The following SH3GL3 variants were observed in gnomAD, a reference collection of about 807,000 sequenced individuals.
SH3GL3 encodes SH3 domain containing GRB2 like 3, endophilin A3, also known as endophilin-A3.
A neutral mutation model predicts 47.7 loss-of-function variants in SH3GL3; 33 were observed. The observed-to-expected ratio is 0.69, with a 90% confidence interval of 0.52 to 0.92. The LOEUF is 0.92. Among genes scored for constraint, SH3GL3 ranks in the 40% least tolerant of loss-of-function variants. The pLI is 0.00. For synonymous variants in SH3GL3, 155 were observed against 148.8 expected (o/e 1.04, Z -0.30); for missense variants, 363 against 417.8 (o/e 0.87, Z 1.14).
intron 8 of SH3GL3, among the ~76,000 whole-genome samples, chr15:83,608,315 G>A (rs2060581298): frequency 6.6e-6 from 1 of 152,134 alleles, no homozygotes; most frequent in Non-Finnish European, 1.5e-5. Context: ...CAAATTTCCA[G>A]ATAAGGAAAT....
intron 1 of SH3GL3, among the ~76,000 whole-genome samples, chr15:83,519,112 A>T (rs1487312550): frequency 6.6e-6 from 1 of 152,176 alleles, no homozygotes; most frequent in Non-Finnish European, 1.5e-5. Flanking sequence ...TGATGCCTCC[A>T]GCTTTGTTCT....
chr15:83,503,472 TAATAAC>T (rs2042371432), intron 1 of SH3GL3, among the ~76,000 whole-genome samples: 1 of 152,214 alleles, frequency 6.6e-6, no homozygotes, highest in Admixed American at 6.5e-5. Flanking sequence ...CAGTTTTCAC[TAATAAC>T]AATAAGTGAA....
At chr15:83,536,409 T>C (rs1200524615) in intron 1 of SH3GL3, among the ~76,000 whole-genome samples, 7 of 141,774 alleles carry the variant, frequency 4.9e-5, no homozygotes, top group Non-Finnish European at 9.2e-5. Context: ...TCTTTTCTTT[T>C]TTTTTTTTTT....
At chr15:83,562,931 A>G (rs1158996776) in intron 2 of SH3GL3, among the ~76,000 whole-genome samples, 4 of 152,174 alleles carry the variant, frequency 2.6e-5, no homozygotes, top group Admixed American at 1.3e-4. Context: ...GCACACTCAC[A>G]TGCCCACTTG....
intron 8 of SH3GL3, among the ~76,000 whole-genome samples, chr15:83,597,468 A>G (rs1053310935): frequency 6.6e-6 from 1 of 152,156 alleles, no homozygotes; most frequent in Non-Finnish European, 1.5e-5. Context: ...CTTTGAGGCT[A>G]TTGCTCTGCC....
chr15:83,550,754 C>T (rs888374058), intron 1 of SH3GL3, among the ~76,000 whole-genome samples: 1 of 152,068 alleles, frequency 6.6e-6, no homozygotes, highest in Non-Finnish European at 1.5e-5. Context: ...TTTTGTTTTC[C>T]CTGTGTTTCC....
At chr15:83,490,975 G>T (rs2041849778) in intron 1 of SH3GL3, 2 of 1,602,244 alleles carry the variant, frequency 1.2e-6, no homozygotes, top group Non-Finnish European at 1.7e-6. Flanking sequence ...ATTCTCATCA[G>T]CACAGAAGCA....
At chr15:83,562,991 C>T (rs544209302) in intron 2 of SH3GL3, among the ~76,000 whole-genome samples, 3 of 152,146 alleles carry the variant, frequency 2.0e-5, no homozygotes, top group South Asian at 4.1e-4. Flanking sequence ...CCTTTTTTAT[C>T]ATTTCTGTAC....
intron 1 of SH3GL3, among the ~76,000 whole-genome samples, chr15:83,514,584 G>GT (rs2042904808): frequency 6.6e-6 from 1 of 152,152 alleles, no homozygotes; most frequent in South Asian, 2.1e-4. Context: ...TTCAAAATAA[G>GT]TTTTTTTGAA....
intron 5 of SH3GL3, among the ~76,000 whole-genome samples, chr15:83,575,816 C>T (rs1041855419): frequency 2.0e-5 from 3 of 152,040 alleles, no homozygotes; most frequent in East Asian, 1.9e-4. Context: ...ATCTGATTTC[C>T]GAGGATTATA....
intron 1 of SH3GL3, among the ~76,000 whole-genome samples, chr15:83,546,277 T>G (rs1308971845): frequency 6.6e-6 from 1 of 151,766 alleles, no homozygotes; most frequent in African/African-American, 2.4e-5. Flanking sequence ...TCTCCTTTCC[T>G]CAAGCAGAAG....
chr15:83,537,810 C>T (rs898921283), intron 1 of SH3GL3, among the ~76,000 whole-genome samples: 2 of 152,110 alleles, frequency 1.3e-5, no homozygotes, highest in Admixed American at 1.3e-4. Flanking sequence ...AGGAATTTCT[C>T]ACCATTTATG....
At chr15:83,569,850 G>T (rs548645264) in intron 4 of SH3GL3, among the ~76,000 whole-genome samples, 2 of 152,238 alleles carry the variant, frequency 1.3e-5, no homozygotes, top group African/African-American at 2.4e-5. Flanking sequence ...TTTGCATCAG[G>T]AGGTCCATTT....
In SH3GL3 at chr15:83,567,965, T is replaced by TTTTC. The variant is rs1241934547; in HGVS notation, c.188-544_188-541dup. 2.0e-4 allele frequency among the ~76,000 whole-genome samples: 30 copies of TTTTC among 149,034 alleles called. No homozygotes were observed. In the Middle Eastern group the frequency reaches 0.014, roughly 69 times the overall value. ...AATGTGCCCCATCATTTCTTTTTTT[T>TTTTC]TTTCTTTCTTTCTTTCTTTCTTTTT... On this transcript the variant is annotated intron_variant, in intron 3 of 8. Coordinates refer to ENST00000427482, the MANE Select transcript of SH3GL3 (RefSeq NM_003027.5).
At chr15:83,501,405 T>A (rs1567277452) in intron 1 of SH3GL3, among the ~76,000 whole-genome samples, 1 of 152,084 alleles carries the variant, frequency 6.6e-6, no homozygotes, top group East Asian at 1.9e-4. Flanking sequence ...CTTATATATT[T>A]AAAAAAAATT....
intron 1 of SH3GL3, 60 bp from the exon 2 acceptor site, chr15:83,559,193 G>A: frequency 2.1e-6 from 2 of 966,278 alleles, no homozygotes; most frequent in Non-Finnish European, 3.2e-6. Context: ...TAATAATTTA[G>A]GTAAAAAACT....
At chr15:83,533,312 C>G (rs551671991) in intron 1 of SH3GL3, among the ~76,000 whole-genome samples, 1 of 152,028 alleles carries the variant, frequency 6.6e-6, no homozygotes. Flanking sequence ...GAAGATGCAC[C>G]GGAGCTTTCA....
At chr15:83,545,585 A>G (rs1596227039) in intron 1 of SH3GL3, among the ~76,000 whole-genome samples, 1 of 152,160 alleles carries the variant, frequency 6.6e-6, no homozygotes, top group Admixed American at 6.5e-5. Context: ...GTGGATGTTC[A>G]TTCATGTCTG....
chr15:83,588,448 A>G (rs2060007858), intron 7 of SH3GL3, among the ~76,000 whole-genome samples: 1 of 152,148 alleles, frequency 6.6e-6, no homozygotes, highest in Admixed American at 6.5e-5. Flanking sequence ...TTCAAGATGA[A>G]TTTCACTCAC....
Sources: allele counts gnomAD v4.1 joint callset (sites outside exome capture counted in the v4.1 genomes callset), GRCh38; gene constraint gnomAD v4.1.1; transcripts MANE v1.5; gene names NCBI Gene and HGNC (gene_info 2026-07-23, HGNC 2026-07-21).